Variants in NFU1 observed in about 807,000 individuals in gnomAD.
NFU1 encodes NFU1 iron-sulfur cluster scaffold homolog, mitochondrial.
In NFU1, 30 loss-of-function variants were observed where a neutral mutation model predicts 32.2. That is an observed-to-expected ratio of 0.93 (90% CI 0.70 to 1.26). The LOEUF is 1.26. NFU1 is among the 50% of genes most tolerant of loss of function. NFU1 has a pLI of 0.00. For synonymous variants in NFU1, 112 were observed against 104.6 expected (o/e 1.07, Z -0.43); for missense variants, 306 against 306.6 (o/e 1.00, Z 0.02).
rs142549514 is a variant in NFU1 at position 69,426,360 on chromosome 2, A to G, written c.167-2643T>C. ...GAGTGCAGTGGCATGATCTCGGCTCACTGCAAACTCTGCCTTCCAGGTTCA... is the reference window on the plus strand; with the variant it reads ...GAGTGCAGTGGCATGATCTCGGCTCGCTGCAAACTCTGCCTTCCAGGTTCA... On this transcript the variant is annotated intron_variant, in intron 2 of 7. Coordinates refer to ENST00000410022, the MANE Select transcript of NFU1 (RefSeq NM_001002755.4). 2.6e-3 allele frequency among the ~76,000 whole-genome samples: 389 copies of G among 152,262 alleles called. 3 individuals are homozygous for G. The highest frequency in any genetic ancestry group is 0.014 in the Middle Eastern group (4 of 294).
chr2:69,401,297 T>C (rs1416402121), intron 6 of NFU1, among the ~76,000 whole-genome samples: 1 of 152,220 alleles, frequency 6.6e-6, no homozygotes, highest in African/African-American at 2.4e-5. Flanking sequence ...CTAATTCATA[T>C]CACCACTGAT....
chr2:69,424,520 ACTCAAATGATC>A (rs1673390366), intron 2 of NFU1, among the ~76,000 whole-genome samples: 2 of 151,966 alleles, frequency 1.3e-5, no homozygotes, highest in Non-Finnish European at 1.5e-5. Flanking sequence ...AAATTCCTGG[ACTCAAATGATC>A]CTCCCACCTC....
chr2:69,397,784 C>T lies in NFU1; in HGVS notation c.721-1494G>A, dbSNP rs182415580. Reference sequence around the variant, plus strand: ...TAAAAATTAGCCAGGCGTGGTGGCGCGCGCCTGTAATCCCAGCTACCTGGG... The same window carrying T: ...TAAAAATTAGCCAGGCGTGGTGGCGTGCGCCTGTAATCCCAGCTACCTGGG... On this transcript the variant is annotated intron_variant, in intron 7 of 7. Transcript: ENST00000410022. 2.0e-4 allele frequency among the ~76,000 whole-genome samples: 31 copies of T among 151,774 alleles called. No individual in the cohort carries two copies. In the East Asian group the frequency reaches 2.7e-3, roughly 13 times the overall value.
At position 69,415,261 on chromosome 2, in the gene NFU1, A is replaced by G; in HGVS notation, c.408T>C (p.Asp136=). Residue 136 remains aspartate, a synonymous_variant, in exon 5 of 8, where the codon GAT becomes GAC. Coordinates refer to ENST00000410022, the MANE Select transcript of NFU1 (RefSeq NM_001002755.4). The part of the protein sequence containing the change: ...EELDWNLLKP[D]IYATIMDFFA... ...AGAAGTCCATGATTGTTGCATAAAT[A>G]TCTGGTTTCAGTAAATTCCAGTCTA... 6.2e-7 allele frequency: 1 copy of G among 1,612,474 alleles called. No homozygotes were observed. The highest frequency in any genetic ancestry group is 2.2e-5 in the East Asian group (1 of 44,866).
intron 5 of NFU1, among the ~76,000 whole-genome samples, chr2:69,407,633 C>T (rs1672739199): frequency 6.9e-6 from 1 of 145,388 alleles, no homozygotes; most frequent in Non-Finnish European, 1.5e-5. Flanking sequence ...TAAGATCGCA[C>T]CACTGTATTC....
At chr2:69,437,467 G>A (rs1240098380), upstream of NFU1, 2 of 1,594,436 alleles carry the variant, frequency 1.3e-6, no homozygotes, top group South Asian at 2.2e-5. Context: ...AACCACGAAA[G>A]ATCTGCGCAG....
chr2:69,436,026 G>T (rs1673821569), intron 1 of NFU1, among the ~76,000 whole-genome samples: 1 of 151,408 alleles, frequency 6.6e-6, no homozygotes, highest in African/African-American at 2.4e-5. Flanking sequence ...TTACAGGCGT[G>T]AGCCACCACG....
intron 4 of NFU1, among the ~76,000 whole-genome samples, chr2:69,416,821 C>T (rs1049121535): frequency 6.6e-6 from 1 of 152,106 alleles, no homozygotes; most frequent in Non-Finnish European, 1.5e-5. Flanking sequence ...TCGCTTGAAC[C>T]CGGGAGGCGG....
At position 69,431,915 on chromosome 2, in the gene NFU1, G is replaced by A; in HGVS notation, c.153C>T (p.Ala51=). The A allele has an allele frequency of 6.2e-7, 1 of 1,610,174 alleles. No individual in the cohort carries two copies. Among genetic ancestry groups the A allele is most frequent in the Non-Finnish European group, 8.5e-7 (1 of 1,176,446 alleles). ...GTGAAATTTTACCTGGGTGATAAAAGGCTGCAGGTAGTGGGAAAAGTGGTC... is the reference window on the plus strand; with the variant it reads ...GTGAAATTTTACCTGGGTGATAAAAAGCTGCAGGTAGTGGGAAAAGTGGTC... ...VQRPLFPLPA[A]FYHPVRYMFI... The change falls in exon 2 of 8, where the codon GCC becomes GCT. Residue 51 remains alanine, a synonymous_variant. Transcript: ENST00000410022.
chr2:69,411,955 T>G (rs1284093387), intron 5 of NFU1, among the ~76,000 whole-genome samples: 1 of 152,054 alleles, frequency 6.6e-6, no homozygotes, highest in African/African-American at 2.4e-5. Context: ...CAGGTGGCGG[T>G]GGTTCATGCT....
At chr2:69,406,730 C>T (rs1016887395) in intron 5 of NFU1, among the ~76,000 whole-genome samples, 2 of 152,094 alleles carry the variant, frequency 1.3e-5, no homozygotes, top group Admixed American at 6.6e-5. Flanking sequence ...AGCCACCACA[C>T]CCAGGCAATT....
intron 7 of NFU1, among the ~76,000 whole-genome samples, 155 bp from the exon 8 acceptor site, chr2:69,396,445 G>C (rs527979283): frequency 6.6e-5 from 10 of 152,214 alleles, no homozygotes; most frequent in African/African-American, 2.2e-4. Flanking sequence ...AAAGAACAAG[G>C]TTTGAATCAT....
At chr2:69,434,380 G>T (rs1574157058) in intron 1 of NFU1, among the ~76,000 whole-genome samples, 1 of 147,376 alleles carries the variant, frequency 6.8e-6, no homozygotes, top group South Asian at 2.2e-4. Context: ...CTGACCTCAT[G>T]ATCCACTAGC....
At chr2:69,401,315 G>A (rs1266673906) in intron 6 of NFU1, among the ~76,000 whole-genome samples, 1 of 152,094 alleles carries the variant, frequency 6.6e-6, no homozygotes, top group African/African-American at 2.4e-5. Context: ...GATGAGTTTT[G>A]CCAGTCTCTG....
intron 1 of NFU1, among the ~76,000 whole-genome samples, chr2:69,436,958 A>G (rs1673860831): frequency 6.6e-6 from 1 of 152,148 alleles, no homozygotes; most frequent in Non-Finnish European, 1.5e-5. Flanking sequence ...GAGACAAGGT[A>G]TTTTCTTCCC....
intron 2 of NFU1, among the ~76,000 whole-genome samples, chr2:69,430,270 T>C (rs568657457): frequency 6.6e-6 from 1 of 151,586 alleles, no homozygotes; most frequent in African/African-American, 2.4e-5. Context: ...TGAAGTGCAG[T>C]GGCATGATTA....
In NFU1 at chr2:69,396,179, A is replaced by G. The variant is rs746129655; in HGVS notation, c.*67T>C. On this transcript the variant is annotated 3_prime_UTR_variant, in exon 8 of 8. Coordinates refer to ENST00000410022, the MANE Select transcript of NFU1 (RefSeq NM_001002755.4). Reference sequence around the variant, plus strand: ...AATCTTCAAGTTCCTCAGCATATTAATAATAAAAACTTGATATATATTATC... The same window carrying G: ...AATCTTCAAGTTCCTCAGCATATTAGTAATAAAAACTTGATATATATTATC... 6.6e-6 allele frequency: 8 copies of G among 1,220,086 alleles called. No individual in the cohort carries two copies. The highest frequency in any genetic ancestry group is 4.4e-4 in the Middle Eastern group (2 of 4,542). The allele number at this position is 1,220,086 out of a possible 1,614,324, so 75.6% of individuals were successfully genotyped here.
At chr2:69,424,986 C>T (rs190068962) in intron 2 of NFU1, among the ~76,000 whole-genome samples, 2 of 151,126 alleles carry the variant, frequency 1.3e-5, no homozygotes, top group African/African-American at 2.4e-5. Context: ...ATGCCATTCT[C>T]CTGCCTCAGC....
At chr2:69,405,935 A>C in intron 6 of NFU1, 87 bp downstream of exon 6, 6 of 841,466 alleles carry the variant, frequency 7.1e-6, no homozygotes, top group Non-Finnish European at 1.2e-5. Flanking sequence ...AAAATCTACT[A>C]TAATCTCATG....
Sources: allele counts gnomAD v4.1 joint callset (sites outside exome capture counted in the v4.1 genomes callset), GRCh38; gene constraint gnomAD v4.1.1; transcripts MANE v1.5; gene names NCBI Gene and HGNC (gene_info 2026-07-23, HGNC 2026-07-21).